IFFO1: variants seen among roughly 807,000 people sequenced by gnomAD.
IFFO1 encodes intermediate filament family orphan 1.
Under a neutral mutation model 59.6 loss-of-function variants are expected in IFFO1, and 42 were observed. The ratio of observed to expected loss-of-function variants is 0.70; its 90% confidence interval spans 0.55 to 0.91. The LOEUF is 0.91. Ranked by LOEUF, IFFO1 falls within the 40% of genes least tolerant of loss-of-function variation. The pLI is 0.00. For synonymous variants in IFFO1, 336 were observed against 342.8 expected, an observed-to-expected ratio of 0.98 and a Z score of 0.22; for missense variants, 711 against 793.2, an observed-to-expected ratio of 0.90 and a Z score of 1.24.
chr12:6,540,692 A>G (rs1310139904), intron 9 of IFFO1, 104 bp from the exon 10 acceptor site: 1 of 1,016,886 alleles, frequency 9.8e-7, no homozygotes, highest in African/African-American at 1.6e-5. Flanking sequence ...CGTGAGAAGT[A>G]CCGGAAGCGA....
At chr12:6,546,934 A>ATTTCTCTGTTATCTC (rs1946993804) in intron 8 of IFFO1, among the ~76,000 whole-genome samples, 1 of 152,218 alleles carries the variant, frequency 6.6e-6, no homozygotes, top group Admixed American at 6.5e-5. Flanking sequence ...TGAGTGGAAG[A>ATTTCTCTGTTATCTC]AACAGGAAAG....
At position 6,555,299 on chromosome 12, in the gene IFFO1, A is replaced by C; in HGVS notation, c.731T>G (p.Val244Gly). ...ITPEIRALYN[V>G]LAKVKRERDE... ...CCGCTCCCGCTTCACTTTGGCCAGC[A>C]CGTTGTAGAGAGCGCGGATCTCGGG... is the stretch of plus-strand genomic sequence containing the variant. The change falls in exon 1 of 10, where the codon GTG (valine) becomes GGG (glycine). Residue 244 changes from valine (V) to glycine (G), a missense_variant. This residue lies in a region of IFFO1 where 579 missense variants were observed against 650.3 expected (regional missense o/e 0.89). Transcript: ENST00000619571. This position sits in a 1 kb window ranked among gnomAD's most constrained non-coding sequence, Gnocchi z 8.6. The C allele has an allele frequency of 6.2e-7, 1 of 1,614,052 alleles. No individual in the cohort carries two copies. The highest frequency in any genetic ancestry group is 1.1e-5 in the South Asian group (1 of 91,076).
Position 6,540,525 on chromosome 12 carries a change from C to G in IFFO1, c.1674G>C (p.Glu558Asp), listed in dbSNP as rs746972343. The change falls in exon 10 of 10, where the codon GAG becomes GAC. Residue 558 changes from glutamate (E) to aspartate (D), a missense_variant. Transcript: ENST00000619571. ...CAGATGAGACATCGCGATCGGAGTC[C>G]TCAGCCTCGCTTGGCGGCGGCGGCG... ...SDPPPPPSEA[E>D]DSDRDVSSDS... 1 of 1,613,988 alleles carries G rather than the reference C, an allele frequency of 6.2e-7. No homozygotes were observed. The highest frequency in any genetic ancestry group is 1.3e-5 in the African/African-American group (1 of 74,934).
chr12:6,546,867 A>G (rs1311192007), intron 8 of IFFO1, among the ~76,000 whole-genome samples: 1 of 152,162 alleles, frequency 6.6e-6, no homozygotes, highest in Non-Finnish European at 1.5e-5. Context: ...AGGTACCTCT[A>G]GAAGGTACTT....
At chr12:6,551,668 G>T in intron 1 of IFFO1, 1 of 399,870 alleles carries the variant, frequency 2.5e-6, no homozygotes, top group Non-Finnish European at 5.0e-6. Context: ...ACAGCAGCAT[G>T]ACAGCAGTGG....
At chr12:6,547,285 C>T (rs756226027) in intron 8 of IFFO1, among the ~76,000 whole-genome samples, 13 of 152,028 alleles carry the variant, frequency 8.6e-5, no homozygotes, top group Middle Eastern at 3.2e-3. Flanking sequence ...TGGTAGCACA[C>T]GCCTGTGGTC....
At position 6,548,676 on chromosome 12, in the gene IFFO1, G is replaced by A. The variant is rs761316737; in HGVS notation, c.1254C>T (p.Leu418=). 43 of 1,614,118 alleles carry A rather than the reference G, an allele frequency of 2.7e-5. No homozygotes were observed. The highest frequency in any genetic ancestry group is 3.5e-5 in the Non-Finnish European group (41 of 1,180,032). Residue 418 remains leucine, a synonymous_variant, in exon 6 of 10, where the codon CTC becomes CTT. Transcript: ENST00000619571. This position sits in a 1 kb window ranked among gnomAD's most constrained non-coding sequence, Gnocchi z 6.1. The part of the protein sequence containing the change: ...LSINEEMQRM[L]NQLREYDFED... ...ACGGCCTGCGGACTCACAGCTGGTTGAGCATGCGCTGCATCTCCTCGTTGA... is the reference window on the plus strand; with the variant it reads ...ACGGCCTGCGGACTCACAGCTGGTTAAGCATGCGCTGCATCTCCTCGTTGA...
rs780968176 is a variant in IFFO1 at position 6,540,189 on chromosome 12, C to T, written c.*294G>A. 21 of 505,754 alleles carry T rather than the reference C, an allele frequency of 4.2e-5. No individual in the cohort carries two copies. Among genetic ancestry groups the T allele is most frequent in the Middle Eastern group, 1.0e-3 (2 of 1,908 alleles). 31.3% of individuals were successfully genotyped at this position (505,754 alleles called of 1,614,324 possible). ...CGTGGACAAGGTGAGGGGCCGCAAT[C>T]GCTCTGGCAGCATTTTAAAGATGGG... On this transcript the variant is annotated 3_prime_UTR_variant, in exon 10 of 10. Coordinates refer to ENST00000619571, the MANE Select transcript of IFFO1 (RefSeq NM_001193457.2).
Position 6,555,827 on chromosome 12 carries a change from T to C in IFFO1, c.203A>G (p.Asn68Ser). 3.1e-6 allele frequency: 5 copies of C among 1,611,152 alleles called. No homozygotes were observed. Among genetic ancestry groups the C allele is most frequent in the Non-Finnish European group, 3.4e-6 (4 of 1,178,836 alleles). The change falls in exon 1 of 10, where the codon AAT becomes AGT. Residue 68 changes from asparagine (N) to serine (S), a missense_variant. Asn to Ser is a conservative substitution (Grantham distance 46, BLOSUM62 1). This residue lies in a region of IFFO1 where 114 missense variants were observed against 102.4 expected (regional missense o/e 1.11). Coordinates refer to ENST00000619571, the MANE Select transcript of IFFO1 (RefSeq NM_001193457.2). This position sits in a 1 kb window ranked among gnomAD's most constrained non-coding sequence, Gnocchi z 8.6. ...CACGTTGATGTTGGAGCCCAGGTCA[T>C]TGCGGAGGGCCATGGCGGCAGGCGG... ...PAPPAAMALR[N>S]DLGSNINVLK...
At chr12:6,551,028 A>C (rs775164551) in intron 1 of IFFO1, 27 bp from the exon 2 acceptor site, 2 of 1,612,394 alleles carry the variant, frequency 1.2e-6, no homozygotes, top group African/African-American at 1.3e-5. Context: ...GGGCGGAGAG[A>C]GCTTAGGTAC....
intron 8 of IFFO1, 119 bp downstream of exon 8, chr12:6,547,946 C>G (rs772930249): frequency 2.0e-5 from 15 of 766,920 alleles, no homozygotes; most frequent in Admixed American, 1.5e-4. Context: ...TGAGAGATCA[C>G]TCCTCCTCCC....
Position 6,549,259 on chromosome 12 carries a change from C to T in IFFO1, c.1080+217G>A, listed in dbSNP as rs911560302. 14 of 637,746 alleles carry T rather than the reference C, an allele frequency of 2.2e-5. No homozygotes were observed. The African/African-American group carries it at 2.4e-4, about 11-fold the overall frequency. 39.5% of individuals were successfully genotyped at this position (637,746 alleles called of 1,614,324 possible). On this transcript the variant is annotated intron_variant, in intron 5 of 9. Transcript: ENST00000619571. This position sits in a 1 kb window ranked among gnomAD's most constrained non-coding sequence, Gnocchi z 5.0. ...TGTGTACAAAAGAGAACCTGAATCA[C>T]ATCCAGATCTGGAAAGCCGGGGGAG...
At chr12:6,547,247 T>TA (rs537324652) in intron 8 of IFFO1, among the ~76,000 whole-genome samples, 168 of 151,918 alleles carry the variant, frequency 1.1e-3, no homozygotes, top group African/African-American at 3.5e-3. Context: ...CTGTTCTCTG[T>TA]AAAAAAAATC....
At position 6,540,459 on chromosome 12, in the gene IFFO1, C is replaced by G. The variant is rs370947943; in HGVS notation, c.*24G>C. On this transcript the variant is annotated 3_prime_UTR_variant, in exon 10 of 10. Transcript: ENST00000619571. ...GCTGAGCTCCCTGCTGCGAGGGCCT[C>G]GGGTGCAAGGGGGAGGCAGGTCTCT... 3.8e-6 allele frequency: 6 copies of G among 1,586,496 alleles called. No individual in the cohort carries two copies. Among genetic ancestry groups the G allele is most frequent in the South Asian group, 3.3e-5 (3 of 90,550 alleles).
chr12:6,549,411 G>A lies in IFFO1; in HGVS notation c.1080+65C>T, dbSNP rs563535257. 1 of 1,595,546 alleles carries A rather than the reference G, an allele frequency of 6.3e-7. No individual in the cohort carries two copies. The highest frequency in any genetic ancestry group is 1.1e-5 in the South Asian group (1 of 90,332). On this transcript the variant is annotated intron_variant, in intron 5 of 9. Coordinates refer to ENST00000619571, the MANE Select transcript of IFFO1 (RefSeq NM_001193457.2). This position sits in a 1 kb window ranked among gnomAD's most constrained non-coding sequence, Gnocchi z 5.0. ...CCCAGCGGGCCCAAACTGAGGGCCA[G>A]GAGGCCTAGGCAGCTTAGAAACTGG...
At position 6,548,054 on chromosome 12, in the gene IFFO1, C is replaced by A; in HGVS notation, c.1479+11G>T. On this transcript the variant is annotated intron_variant, in intron 8 of 9. Transcript: ENST00000619571. The surrounding 1 kb of genome is among the most constrained non-coding windows in gnomAD (Gnocchi z 6.1). Reference sequence around the variant, plus strand: ...GGACACCACGCCCCTGGCTTCCGCTCCTGCCCTTACCTCTATCTGGTCAAT... The same window carrying A: ...GGACACCACGCCCCTGGCTTCCGCTACTGCCCTTACCTCTATCTGGTCAAT... 1 of 1,608,454 alleles carries A rather than the reference C, an allele frequency of 6.2e-7. No homozygotes were observed. Among genetic ancestry groups the A allele is most frequent in the East Asian group, 2.2e-5 (1 of 44,840 alleles).
chr12:6,538,972 T>G (rs185687379), downstream of IFFO1: 33 of 152,318 alleles, frequency 2.2e-4, no homozygotes, highest in African/African-American at 7.9e-4. Flanking sequence ...TCGCATAGTT[T>G]TGAGGAAGAT....
At position 6,548,423 on chromosome 12, in the gene IFFO1, A is replaced by G; in HGVS notation, c.1383+2T>C. The G allele has an allele frequency of 6.2e-7, 1 of 1,607,798 alleles. No homozygotes were observed. On this transcript the variant is annotated splice_donor_variant, in intron 7 of 9. Coordinates refer to ENST00000619571, the MANE Select transcript of IFFO1 (RefSeq NM_001193457.2). LOFTEE classifies it high-confidence loss of function. This position sits in a 1 kb window ranked among gnomAD's most constrained non-coding sequence, Gnocchi z 6.1. ...GGCCCTGAGGCCGGGAGCAGAGGTTACCTCTCCCTGGGCCTCTGCAGCTGC... is the reference window on the plus strand; with the variant it reads ...GGCCCTGAGGCCGGGAGCAGAGGTTGCCTCTCCCTGGGCCTCTGCAGCTGC...
In IFFO1 at chr12:6,548,455, A is replaced by G. The variant is rs1947071650; in HGVS notation, c.1353T>C (p.Tyr451=). Residue 451 remains tyrosine, a synonymous_variant, in exon 7 of 10, where the codon TAT becomes TAC. Coordinates refer to ENST00000619571, the MANE Select transcript of IFFO1 (RefSeq NM_001193457.2). The surrounding 1 kb of genome is among the most constrained non-coding windows in gnomAD (Gnocchi z 6.1). ...CCTGGGCCTCTGCAGCTGCCATGGC[A>G]TAGCCTGAGAAATCCTCCCAAAGCA... The part of the protein sequence containing the change: ...TLLLWEDFSG[Y]AMAAAEAQGE... 2.5e-6 allele frequency: 4 copies of G among 1,613,750 alleles called. No homozygotes were observed. The highest frequency in any genetic ancestry group is 3.4e-6 in the Non-Finnish European group (4 of 1,179,828).
Sources: gnomAD v4.1 joint callset for allele counts (sites outside exome capture counted in the v4.1 genomes callset) on GRCh38, gnomAD v4.1.1 for gene constraint, gnomAD v4.1.1 regional missense constraint, Gnocchi (gnomAD v3.1) non-coding constraint, MANE v1.5 for transcripts, NCBI Gene and HGNC (gene_info 2026-07-23, HGNC 2026-07-21) for gene names.